Variants in METTL25 observed in about 807,000 individuals in gnomAD.
The protein encoded by METTL25 is probable methyltransferase-like protein 25.
Under a neutral mutation model 71.6 loss-of-function variants are expected in METTL25, and 64 were observed. The ratio of observed to expected loss-of-function variants is 0.89; its 90% CI spans 0.73 to 1.10. The LOEUF (loss-of-function observed/expected upper bound fraction) is 1.10. METTL25 is among the 50% of genes least tolerant of loss of function. The probability of loss-of-function intolerance (pLI) is 0.00; values close to 1 mark genes in which losing one functional copy is unlikely to be tolerated. For synonymous variants in METTL25, 287 were observed against 250.3 expected (o/e 1.15, Z -1.38); for missense variants, 807 against 707.0 (o/e 1.14, Z -1.60).
chr12:82,449,416 G>C (rs191712825), intron 8 of METTL25, among the ~76,000 whole-genome samples: 1 of 152,044 alleles, frequency 6.6e-6, no homozygotes. Context: ...CATGCACACC[G>C]TCCTGGCACG....
At chr12:82,369,457 G>T (rs1342194813) in intron 1 of METTL25, 1 of 451,082 alleles carries the variant, frequency 2.2e-6, no homozygotes, top group South Asian at 1.6e-5. Flanking sequence ...AGCTCTTAAA[G>T]ATGGTGTGTC....
At chr12:82,400,769 C>CT (rs1241765439) in intron 4 of METTL25, among the ~76,000 whole-genome samples, 2 of 152,086 alleles carry the variant, frequency 1.3e-5, no homozygotes, top group African/African-American at 4.8e-5. Flanking sequence ...CTAACACCCC[C>CT]TATTCCCCCT....
chr12:82,369,795 C>T (rs904442476), intron 1 of METTL25, among the ~76,000 whole-genome samples: 9 of 151,826 alleles, frequency 5.9e-5, no homozygotes, highest in South Asian at 4.1e-4. Flanking sequence ...TTGATTGGTG[C>T]GTTTACAATT....
intron 2 of METTL25, among the ~76,000 whole-genome samples, chr12:82,387,238 C>A (rs757068621): frequency 1.4e-4 from 22 of 151,994 alleles, no homozygotes; most frequent in Admixed American, 2.6e-4. Context: ...AAACACAGAT[C>A]ACAGTGAGCT....
intron 1 of METTL25, among the ~76,000 whole-genome samples, chr12:82,384,142 G>A (rs1197592339): frequency 6.6e-6 from 1 of 152,152 alleles, no homozygotes; most frequent in East Asian, 1.9e-4. Context: ...ATATGCAGGT[G>A]CGATAGGCAG....
intron 9 of METTL25, among the ~76,000 whole-genome samples, chr12:82,467,568 G>GT (rs977316565): frequency 6.6e-6 from 1 of 151,954 alleles, no homozygotes; most frequent in Admixed American, 6.6e-5. Context: ...TTGGCTGGCA[G>GT]TTTTTTTGTT....
intron 5 of METTL25, among the ~76,000 whole-genome samples, chr12:82,405,531 T>A (rs757585830): frequency 1.3e-5 from 2 of 152,160 alleles, no homozygotes; most frequent in Non-Finnish European, 2.9e-5. Flanking sequence ...TTGCCAGGAT[T>A]GAAAAAAGAA....
chr12:82,370,469 A>G (rs1883099932), intron 1 of METTL25, among the ~76,000 whole-genome samples: 1 of 152,106 alleles, frequency 6.6e-6, no homozygotes, highest in Non-Finnish European at 1.5e-5. Context: ...GCTGGGTGGC[A>G]CCTCATACTA....
chr12:82,398,946 A>G lies in METTL25; in HGVS notation c.683A>G (p.His228Arg). Residue 228 changes from histidine (H) to arginine (R), a missense_variant, in exon 4 of 12, where the codon CAT becomes CGT. Physicochemically the swap from His to Arg is conservative, Grantham distance 29 (BLOSUM62 0). Coordinates refer to ENST00000248306, the MANE Select transcript of METTL25 (RefSeq NM_032230.3). The part of the protein sequence containing the change: ...RKLKKHWKLC[H>R]AQSRLDVNGL... ...TTGAAGAAACATTGGAAACTCTGTCATGCTCAGTCAAGATTAGATGTCAAT... is the reference window on the plus strand; with the variant it reads ...TTGAAGAAACATTGGAAACTCTGTCGTGCTCAGTCAAGATTAGATGTCAAT... 6.2e-7 allele frequency: 1 copy of G among 1,612,386 alleles called. No homozygotes were observed. The highest frequency in any genetic ancestry group is 1.3e-5 in the African/African-American group (1 of 74,984).
At chr12:82,376,567 C>T (rs2136892304) in intron 1 of METTL25, among the ~76,000 whole-genome samples, 1 of 152,302 alleles carries the variant, frequency 6.6e-6, no homozygotes, top group African/African-American at 2.4e-5. Context: ...CTATCTTTGA[C>T]AACGGTTATT....
At chr12:82,401,640 C>T (rs1886629066) in intron 4 of METTL25, among the ~76,000 whole-genome samples, 1 of 151,858 alleles carries the variant, frequency 6.6e-6, no homozygotes, top group Admixed American at 6.6e-5. Context: ...TTTAACATCT[C>T]TTAAGTAAAC....
At chr12:82,407,840 C>G in intron 5 of METTL25, 1 of 985,340 alleles carries the variant, frequency 1.0e-6, no homozygotes, top group Non-Finnish European at 1.2e-6. Context: ...TGGACTGCCA[C>G]ATTTTCTCAT....
In METTL25 at chr12:82,420,813, G is replaced by T. The variant is rs1477951003; in HGVS notation, c.1280-10080G>T. Reference sequence around the variant, plus strand: ...GAGAAAAGGGATTTGTTAAGGAGAAGAAGGATTTTTTAAACAGGAAAGTGA... The same window carrying T: ...GAGAAAAGGGATTTGTTAAGGAGAATAAGGATTTTTTAAACAGGAAAGTGA... On this transcript the variant is annotated intron_variant, in intron 5 of 11. Coordinates refer to ENST00000248306, the MANE Select transcript of METTL25 (RefSeq NM_032230.3). Among the ~76,000 whole-genome samples, 3 of 151,924 alleles carry T rather than the reference G, an allele frequency of 2.0e-5. No individual in the cohort carries two copies. In the East Asian group the frequency reaches 5.8e-4, roughly 29 times the overall value.
intron 4 of METTL25, among the ~76,000 whole-genome samples, chr12:82,401,102 T>G (rs1886584069): frequency 6.6e-6 from 1 of 152,074 alleles, no homozygotes; most frequent in Non-Finnish European, 1.5e-5. Context: ...CTATAAACTG[T>G]GCTTTGAAAA....
At chr12:82,408,829 C>A (rs371149845) in intron 5 of METTL25, among the ~76,000 whole-genome samples, 2 of 152,060 alleles carry the variant, frequency 1.3e-5, no homozygotes, top group East Asian at 3.9e-4. Context: ...GGTTTATGTG[C>A]ACAAAGTTAG....
chr12:82,440,365 A>G (rs2254688), intron 8 of METTL25, among the ~76,000 whole-genome samples: 138,234 of 151,950 alleles, frequency 0.91, 63,455 homozygotes, highest in East Asian at 1. Context: ...TCACAAATAC[A>G]TCAGTCAGCT....
At chr12:82,451,466 A>C (rs1289686407) in intron 8 of METTL25, among the ~76,000 whole-genome samples, 2 of 152,116 alleles carry the variant, frequency 1.3e-5, no homozygotes, top group Non-Finnish European at 2.9e-5. Flanking sequence ...TACCTACCTC[A>C]AAAGGGTGTT....
Position 82,358,658 on chromosome 12 carries a change from G to T in METTL25, c.93G>T (p.Leu31=). The change falls in exon 1 of 12, where the codon CTG becomes CTT. Residue 31 remains leucine (L), a synonymous_variant. Coordinates refer to ENST00000248306, the MANE Select transcript of METTL25 (RefSeq NM_032230.3). Reference sequence around the variant, plus strand: ...TGCTGCAGTTCCTGAGGGATGCCCTGTCCATTTCCAATGCACATACCGTGG... The same window carrying T: ...TGCTGCAGTTCCTGAGGGATGCCCTTTCCATTTCCAATGCACATACCGTGG... The part of the protein sequence containing the change: ...QGLLQFLRDA[L]SISNAHTVDF... The T allele has an allele frequency of 2.5e-6, 4 of 1,614,178 alleles. No individual in the cohort carries two copies. The highest frequency in any genetic ancestry group is 1.1e-5 in the South Asian group (1 of 91,088).
At chr12:82,455,743 A>G (rs891135663) in intron 8 of METTL25, among the ~76,000 whole-genome samples, 3 of 152,034 alleles carry the variant, frequency 2.0e-5, no homozygotes, top group African/African-American at 7.2e-5. Context: ...CGGTTGAGAA[A>G]TGTGATTATA....
Sources: gnomAD v4.1 joint callset for allele counts (sites outside exome capture counted in the v4.1 genomes callset) on GRCh38, gnomAD v4.1.1 for gene constraint, MANE v1.5 for transcripts, NCBI Gene and HGNC (gene_info 2026-07-23, HGNC 2026-07-21) for gene names.